Variants in GAL3ST4 observed in about 807,000 individuals in gnomAD.
GAL3ST4 encodes the protein galactose-3-O-sulfotransferase 4.
A neutral mutation model predicts 31.6 loss-of-function variants in GAL3ST4; 30 were observed. The observed-to-expected ratio is 0.95, with a 90% CI of 0.71 to 1.29. The LOEUF is 1.29. GAL3ST4 is among the 50% of genes most tolerant of loss of function. GAL3ST4 has a pLI of 0.00. For missense variants in GAL3ST4, 629 were observed against 625.2 expected (o/e 1.01, Z -0.06); for synonymous variants, 248 against 256.9 (o/e 0.97, Z 0.33).
At position 100,160,506 on chromosome 7, in the gene GAL3ST4, C is replaced by G. The variant is rs750043430; in HGVS notation, c.883G>C (p.Asp295His). 7.4e-6 allele frequency: 12 copies of G among 1,613,938 alleles called. No individual in the cohort carries two copies. The highest frequency in any genetic ancestry group is 1.0e-5 in the Non-Finnish European group (12 of 1,180,032). Residue 295 changes from aspartate (D) to histidine (H), a missense_variant, in exon 4 of 4, where the codon GAC becomes CAC. Asp to His is a moderately conservative substitution (Grantham distance 81). Coordinates refer to ENST00000360039, the MANE Select transcript of GAL3ST4 (RefSeq NM_024637.5). ...ACCATGACCAGGTCAAAGACAGAGT[C>G]CAGCCATGCCAGACCCCACTGGATG... Reference protein sequence around the residue: ...SFIQWGLAWLDSVFDLVMVAE... With the variant: ...SFIQWGLAWLHSVFDLVMVAE...
Position 100,167,270 on chromosome 7 carries a change from G to T in GAL3ST4, c.-175C>A. The T allele has an allele frequency of 6.9e-7, 1 of 1,443,698 alleles. No homozygotes were observed. Among genetic ancestry groups the T allele is most frequent in the Non-Finnish European group, 9.2e-7 (1 of 1,091,606 alleles). The allele number at this position is 1,443,698 out of a possible 1,614,324, so 89.4% of individuals were successfully genotyped here. On this transcript the variant is annotated 5_prime_UTR_variant, in exon 2 of 4. Coordinates refer to ENST00000360039, the MANE Select transcript of GAL3ST4 (RefSeq NM_024637.5). ...CTGCCCCCTGAGTTAGCAGATTTTT[G>T]CCTCTGTCAGCGTCTAGAAGGGAAA...
chr7:100,164,490 C>T (rs1018329593), intron 3 of GAL3ST4, among the ~76,000 whole-genome samples: 24 of 152,016 alleles, frequency 1.6e-4, no homozygotes, highest in Admixed American at 6.6e-5. Context: ...CATGGCGAAA[C>T]CCTGTCTCTA....
chr7:100,161,523 C>T (rs1183346570), intron 3 of GAL3ST4, among the ~76,000 whole-genome samples: 6 of 151,230 alleles, frequency 4.0e-5, no homozygotes, highest in Admixed American at 1.3e-4. Context: ...TGATGGCACA[C>T]GCCTGTAATC....
chr7:100,167,112 T>C lies in GAL3ST4; in HGVS notation c.-17A>G, dbSNP rs1391222369. On this transcript the variant is annotated 5_prime_UTR_variant, in exon 2 of 4. Transcript: ENST00000360039. ...AGGGCCCATGTGGCACAGGGAAGGGTGAGGTGACAGAGAGATGGAGCCAGG... is the reference window on the plus strand; with the variant it reads ...AGGGCCCATGTGGCACAGGGAAGGGCGAGGTGACAGAGAGATGGAGCCAGG... 1.9e-6 allele frequency: 3 copies of C among 1,552,348 alleles called. No individual in the cohort carries two copies. The highest frequency in any genetic ancestry group is 2.6e-6 in the Non-Finnish European group (3 of 1,147,432).
In GAL3ST4 at chr7:100,160,486, G is replaced by A. The variant is rs777093394; in HGVS notation, c.903C>T (p.Val301=). The change falls in exon 4 of 4, where the codon GTC becomes GTT. Residue 301 remains valine (V), a synonymous_variant. Transcript: ENST00000360039. The part of the protein sequence containing the change: ...LAWLDSVFDL[V]MVAEYFDESL... ...ACTCATCGAAGTACTCAGCCACCAT[G>A]ACCAGGTCAAAGACAGAGTCCAGCC... 6.2e-7 allele frequency: 1 copy of A among 1,614,044 alleles called. No individual in the cohort carries two copies. Among genetic ancestry groups the A allele is most frequent in the South Asian group, 1.1e-5 (1 of 91,066 alleles).
intron 3 of GAL3ST4, among the ~76,000 whole-genome samples, chr7:100,164,249 G>A (rs769678584): frequency 4.6e-5 from 7 of 152,100 alleles, no homozygotes; most frequent in Non-Finnish European, 7.4e-5. Context: ...CAGTACAGAC[G>A]TTCTCCCTCT....
chr7:100,161,652 CAA>C (rs1163638873), intron 3 of GAL3ST4, among the ~76,000 whole-genome samples: 4 of 61,518 alleles, frequency 6.5e-5, no homozygotes, highest in African/African-American at 1.2e-4. Context: ...GACTCTGTCT[CAA>C]AAAAAAAAAA....
At position 100,160,486 on chromosome 7, in the gene GAL3ST4, G is replaced by GACC; in HGVS notation, c.900_902dup (p.Val301dup). On this transcript the variant is annotated inframe_insertion, in exon 4 of 4. Transcript: ENST00000360039. ...ACTCATCGAAGTACTCAGCCACCAT[G>GACC]ACCAGGTCAAAGACAGAGTCCAGCC... The GACC allele has an allele frequency of 2.5e-6, 4 of 1,614,044 alleles. No homozygotes were observed. Among genetic ancestry groups the GACC allele is most frequent in the Non-Finnish European group, 3.4e-6 (4 of 1,180,024 alleles).
chr7:100,165,571 G>A (rs900034268), intron 3 of GAL3ST4, among the ~76,000 whole-genome samples: 12 of 151,984 alleles, frequency 7.9e-5, no homozygotes, highest in East Asian at 7.7e-4. Context: ...GGGAAGGGGC[G>A]TGTTGTCCTA....
chr7:100,164,784 G>A (rs191698854), intron 3 of GAL3ST4, among the ~76,000 whole-genome samples: 10 of 152,170 alleles, frequency 6.6e-5, no homozygotes, highest in African/African-American at 1.4e-4. Context: ...CACAAGCCTC[G>A]GAAGAAGCCT....
rs547175962 is a variant in GAL3ST4, at chr7:100,161,797, GC to G, written c.430-839del. 2.7e-4 allele frequency among the ~76,000 whole-genome samples: 41 copies of G among 152,284 alleles called. 1 individual carries two copies. In the South Asian group the frequency reaches 8.1e-3, roughly 30 times the overall value. ...TGTCCTTTGCAGGTGCATGGATGAAGCTGGAAGCCATCATCATGCTCAGCAA... is the reference window on the plus strand; with the variant it reads ...TGTCCTTTGCAGGTGCATGGATGAAGTGGAAGCCATCATCATGCTCAGCAA... On this transcript the variant is annotated intron_variant, in intron 3 of 3. Transcript: ENST00000360039.
rs145834509 is a variant in GAL3ST4, at chr7:100,160,266, G to A, written c.1123C>T (p.Arg375Cys). 8.6e-5 allele frequency: 138 copies of A among 1,613,942 alleles called. No homozygotes were observed. Among genetic ancestry groups the A allele is most frequent in the Non-Finnish European group, 1.1e-4 (125 of 1,180,024 alleles). The change falls in exon 4 of 4, where the codon CGC (arginine) becomes TGC (cysteine). Residue 375 changes from arginine (R) to cysteine (C), a missense_variant. By Grantham distance (180) the Arg-to-Cys change is radical. Transcript: ENST00000360039. ...TTCTCTATCCGTGCCCAGAGACTGCGGTTGAAGTGGACATAGAGAGCCCAG... is the reference window on the plus strand; with the variant it reads ...TTCTCTATCCGTGCCCAGAGACTGCAGTTGAAGTGGACATAGAGAGCCCAG... Reference protein sequence around the residue: ...LDWALYVHFNRSLWARIEKYG... With the variant: ...LDWALYVHFNCSLWARIEKYG...
rs144870417 is a variant in GAL3ST4 at position 100,160,551 on chromosome 7, C to T, written c.838G>A (p.Asp280Asn). Residue 280 changes from aspartate (D) to asparagine (N), a missense_variant, in exon 4 of 4, where the codon GAT becomes AAT. Transcript: ENST00000360039. ...RSQISSPASF[D>N]LGSSSFIQWG... ...TGGATGAAGGATGAAGACCCCAAAT[C>T]GAAAGAGGCAGGGCTTGATATCTGG... The T allele has an allele frequency of 6.6e-5, 107 of 1,613,928 alleles. No individual in the cohort carries two copies. The South Asian group carries it at 6.8e-4, about 10-fold the overall frequency.
intron 3 of GAL3ST4, among the ~76,000 whole-genome samples, chr7:100,162,281 T>A (rs1279491288): frequency 1.3e-5 from 2 of 151,788 alleles, no homozygotes; most frequent in Non-Finnish European, 2.9e-5. Flanking sequence ...GTGCAGTGAC[T>A]CACACCTGTA....
rs182053984 is a variant in GAL3ST4, at chr7:100,165,683, T to C, written c.429+819A>G. Among the ~76,000 whole-genome samples the C allele has an allele frequency of 4.1e-3, 616 of 151,452 alleles. 2 individuals are homozygous for C. Among genetic ancestry groups the C allele is most frequent in the African/African-American group, 0.014 (583 of 41,280 alleles). ...AATAAAATAAAAAAATAGCCAGGTG[T>C]GGTGGCATGCACCTGTAGTCCCAGC... On this transcript the variant is annotated intron_variant, in intron 3 of 3. Coordinates refer to ENST00000360039, the MANE Select transcript of GAL3ST4 (RefSeq NM_024637.5).
At chr7:100,162,605 G>A (rs866381770) in intron 3 of GAL3ST4, among the ~76,000 whole-genome samples, 103 of 134,628 alleles carry the variant, frequency 7.7e-4, no homozygotes, top group African/African-American at 2.4e-3. Context: ...AAGAGGAGGG[G>A]AGGGGAGGGG....
At position 100,159,668 on chromosome 7, in the gene GAL3ST4, C is replaced by T. The variant is rs1435790235; in HGVS notation, c.*260G>A. ...CTGGGAGGCAGAGGTTGCAGTGAGC[C>T]GAGATCATGCCACTGCACTCCAGCC... On this transcript the variant is annotated 3_prime_UTR_variant, in exon 4 of 4. Coordinates refer to ENST00000360039, the MANE Select transcript of GAL3ST4 (RefSeq NM_024637.5). The T allele has an allele frequency of 1.3e-5, 5 of 371,558 alleles. No individual in the cohort carries two copies. The highest frequency in any genetic ancestry group is 7.6e-4 in the Middle Eastern group (1 of 1,324). 23.0% of individuals were successfully genotyped at this position (371,558 alleles called of 1,614,324 possible). A position where few individuals can be genotyped will look rare whatever the true frequency, so the allele number is the denominator to read the frequency against.
Position 100,166,748 on chromosome 7 carries a change from C to CGGAA in GAL3ST4, c.179_182dup (p.Cys63ValfsTer15). 6.2e-7 allele frequency: 1 copy of CGGAA among 1,613,664 alleles called. No homozygotes were observed. Among genetic ancestry groups the CGGAA allele is most frequent in the Middle Eastern group, 1.6e-4 (1 of 6,062 alleles). On this transcript the variant is annotated frameshift_variant, in exon 3 of 4. Transcript: ENST00000360039. LOFTEE classifies it high-confidence loss of function. ...CCAGTCGCTGCCGGGGTGGGCAGGA[C>CGGAA]GGAAGGGCTGGTCGTAGGGATGGGG...
intron 3 of GAL3ST4, among the ~76,000 whole-genome samples, chr7:100,162,464 G>C (rs150688374): frequency 0.038 from 5,783 of 150,688 alleles, 179 homozygotes; most frequent in South Asian, 0.097. Context: ...AGAATCGCTT[G>C]AAGCTGGGTG....
Sources: allele counts gnomAD v4.1 joint callset (sites outside exome capture counted in the v4.1 genomes callset), GRCh38; gene constraint gnomAD v4.1.1; transcripts MANE v1.5; gene names NCBI Gene and HGNC (gene_info 2026-07-23, HGNC 2026-07-21).